The following COL25A1 variants were observed in gnomAD, a reference collection of about 807,000 sequenced individuals.
COL25A1 encodes the protein collagen type XXV alpha 1 chain, also known as collagen alpha-1(XXV) chain.
In COL25A1, 103 loss-of-function variants were observed where a neutral mutation model predicts 128.4. That is an observed-to-expected ratio of 0.80 (90% CI 0.68 to 0.94). The LOEUF (loss-of-function observed/expected upper bound fraction) is 0.94, where lower values mean the gene tolerates loss of function less well. Ranked by LOEUF, COL25A1 falls within the 40% of genes least tolerant of loss-of-function variation. COL25A1 has a pLI of 0.00. For missense variants in COL25A1, 745 were observed against 840.0 expected, an observed-to-expected ratio of 0.89 and a Z score of 1.40; for synonymous variants, 279 against 277.2, an observed-to-expected ratio of 1.01 and a Z score of -0.06.
chr4:109,008,933 C>T (rs926027808), intron 6 of COL25A1, among the ~76,000 whole-genome samples: 6 of 151,972 alleles, frequency 3.9e-5, no homozygotes, highest in Admixed American at 1.3e-4. Context: ...CCAGCCTGGC[C>T]AACATGGTGA....
chr4:108,874,458 CCA>C (rs1161379558), intron 19 of COL25A1, among the ~76,000 whole-genome samples: 3 of 121,188 alleles, frequency 2.5e-5, no homozygotes, highest in South Asian at 4.1e-4. Flanking sequence ...AAAAATAAAT[CCA>C]GAGGGTTTTT....
intron 3 of COL25A1, among the ~76,000 whole-genome samples, chr4:109,081,613 A>C (rs1249402854): frequency 6.6e-6 from 1 of 152,158 alleles, no homozygotes; most frequent in Admixed American, 6.5e-5. Flanking sequence ...TATCTCCTCA[A>C]AAAGAAAACC....
intron 36 of COL25A1, among the ~76,000 whole-genome samples, chr4:108,818,623 AG>A (rs1394168107): frequency 6.6e-6 from 1 of 152,184 alleles, no homozygotes; most frequent in East Asian, 1.9e-4. Flanking sequence ...GGTCTACTTT[AG>A]GAAAGTGAGT....
chr4:109,289,117 C>G (rs1724208266), intron 3 of COL25A1, among the ~76,000 whole-genome samples: 1 of 151,956 alleles, frequency 6.6e-6, no homozygotes, highest in African/African-American at 2.4e-5. Context: ...TACAGTACAT[C>G]TTTCCTATGT....
chr4:108,983,074 A>C (rs1753174298), intron 6 of COL25A1, among the ~76,000 whole-genome samples: 1 of 152,222 alleles, frequency 6.6e-6, no homozygotes, highest in South Asian at 2.1e-4. Flanking sequence ...TACAAATTAA[A>C]TACAGTCAAA....
At chr4:109,183,751 A>C (rs985016913) in intron 3 of COL25A1, among the ~76,000 whole-genome samples, 1 of 152,100 alleles carries the variant, frequency 6.6e-6, no homozygotes, top group Admixed American at 6.6e-5. Flanking sequence ...GAGGCACAAC[A>C]CGTATGCCCG....
At chr4:109,157,123 TA>T (rs1490404371) in intron 3 of COL25A1, among the ~76,000 whole-genome samples, 5 of 152,180 alleles carry the variant, frequency 3.3e-5, no homozygotes, top group African/African-American at 1.2e-4. Flanking sequence ...TTGAACAACT[TA>T]CAAGGCATTC....
At position 109,221,352 on chromosome 4, in the gene COL25A1, A is replaced by G. The variant is rs183437151; in HGVS notation, c.367+79231T>C. The stretch of plus-strand genomic sequence containing the variant: ...ATGAAAATCCACGCAAATTTCTCCA[A>G]TGAGTTCTTAAAGTGTAAGCTGCAC... On this transcript the variant is annotated intron_variant, in intron 3 of 37. Transcript: ENST00000399132. Among the ~76,000 whole-genome samples, 68 of 152,262 alleles carry G rather than the reference A, an allele frequency of 4.5e-4. 2 individuals are homozygous for G. In the East Asian group the frequency reaches 0.012, roughly 27 times the overall value.
chr4:108,890,213 C>CAG (rs1741315657), intron 16 of COL25A1, among the ~76,000 whole-genome samples: 1 of 152,202 alleles, frequency 6.6e-6, no homozygotes, highest in African/African-American at 2.4e-5. Flanking sequence ...CAGATGAAGT[C>CAG]AGAGGTTAAT....
chr4:109,244,606 T>A (rs1196602796), intron 3 of COL25A1, among the ~76,000 whole-genome samples: 1 of 152,084 alleles, frequency 6.6e-6, no homozygotes, highest in Non-Finnish European at 1.5e-5. Flanking sequence ...AGGCAACCGA[T>A]CACTTTTTAA....
At chr4:108,920,081 G>T (rs567769979) in intron 12 of COL25A1, among the ~76,000 whole-genome samples, 1 of 152,072 alleles carries the variant, frequency 6.6e-6, no homozygotes, top group Non-Finnish European at 1.5e-5. Flanking sequence ...GAATTTAATC[G>T]TCAATTCTGA....
chr4:108,913,393 G>C (rs1485485972), intron 13 of COL25A1, among the ~76,000 whole-genome samples: 2 of 150,148 alleles, frequency 1.3e-5, no homozygotes, highest in Non-Finnish European at 3.0e-5. Context: ...CAAGTAGCTG[G>C]GATTACAGGC....
At chr4:109,293,171 T>G (rs1248535082) in intron 3 of COL25A1, among the ~76,000 whole-genome samples, 1 of 152,014 alleles carries the variant, frequency 6.6e-6, no homozygotes, top group Admixed American at 6.6e-5. Context: ...CCTGACATAT[T>G]TCACTGTAGC....
chr4:109,203,515 G>A (rs2126184867), intron 3 of COL25A1, among the ~76,000 whole-genome samples: 1 of 152,154 alleles, frequency 6.6e-6, no homozygotes, highest in South Asian at 2.1e-4. Context: ...ACAGGATGAT[G>A]CTGAGGGGAA....
intron 8 of COL25A1, among the ~76,000 whole-genome samples, chr4:108,963,400 T>C (rs1750944714): frequency 1.3e-5 from 2 of 152,228 alleles, no homozygotes; most frequent in South Asian, 4.1e-4. Context: ...TATTCATGGG[T>C]ATTACCAGCT....
chr4:108,837,570 CAG>C (rs1210610101), intron 31 of COL25A1, among the ~76,000 whole-genome samples: 2 of 152,088 alleles, frequency 1.3e-5, no homozygotes, highest in South Asian at 4.1e-4. Context: ...AACCTCATAA[CAG>C]GGAATTTTCA....
At chr4:108,919,121 T>C (rs184811606) in intron 12 of COL25A1, among the ~76,000 whole-genome samples, 45 of 152,252 alleles carry the variant, frequency 3.0e-4, no homozygotes, top group Non-Finnish European at 1.5e-5. Flanking sequence ...TTAATAATAA[T>C]GGGGAAAAGA....
chr4:109,107,105 TA>T (rs1034084438), intron 3 of COL25A1, among the ~76,000 whole-genome samples: 6 of 152,180 alleles, frequency 3.9e-5, no homozygotes, highest in African/African-American at 1.4e-4. Flanking sequence ...AAGTTTTTTT[TA>T]AACTTAGTTT....
At chr4:109,038,151 G>A (rs532118539) in intron 5 of COL25A1, among the ~76,000 whole-genome samples, 1 of 152,298 alleles carries the variant, frequency 6.6e-6, no homozygotes, top group South Asian at 2.1e-4. Flanking sequence ...TGGCGAGGCT[G>A]CGGTGCCCAG....
Sources: gnomAD v4.1 joint callset for allele counts (sites outside exome capture counted in the v4.1 genomes callset) on GRCh38, gnomAD v4.1.1 for gene constraint, MANE v1.5 for transcripts, NCBI Gene and HGNC (gene_info 2026-07-23, HGNC 2026-07-21) for gene names.